Variants in ATP8A2 observed in about 807,000 individuals in gnomAD.
ATP8A2 encodes the protein ATPase phospholipid transporting 8A2, also known as phospholipid-transporting ATPase IB.
In ATP8A2, 100 loss-of-function variants were observed where a neutral mutation model predicts 165.6. The ratio of observed to expected loss-of-function variants is 0.60; its 90% CI spans 0.51 to 0.71. The LOEUF (loss-of-function observed/expected upper bound fraction) is 0.71. ATP8A2 is among the 30% of genes least tolerant of loss of function. The probability of loss-of-function intolerance (pLI) is 0.00; values close to 1 mark genes in which losing one functional copy is unlikely to be tolerated. For missense variants in ATP8A2, 1,227 were observed against 1,479.5 expected (o/e 0.83, Z 2.80); for synonymous variants, 543 against 548.8 (o/e 0.99, Z 0.15).
chr13:25,748,989 G>A (rs2044097403), intron 25 of ATP8A2, among the ~76,000 whole-genome samples: 1 of 152,212 alleles, frequency 6.6e-6, no homozygotes. Context: ...AGTTTGAAAG[G>A]TGAAATGTGT....
chr13:25,492,731 G>T (rs2036564609), intron 2 of ATP8A2, among the ~76,000 whole-genome samples: 1 of 152,212 alleles, frequency 6.6e-6, no homozygotes, highest in Non-Finnish European at 1.5e-5. Flanking sequence ...TGGTTGAATG[G>T]ACCCTAAGCT....
chr13:25,767,506 A>T (rs2044516249), intron 25 of ATP8A2, among the ~76,000 whole-genome samples: 1 of 152,252 alleles, frequency 6.6e-6, no homozygotes, highest in South Asian at 2.1e-4. Flanking sequence ...TTGGGAGGAA[A>T]GATGTGATAG....
intron 27 of ATP8A2, among the ~76,000 whole-genome samples, chr13:25,791,294 A>G (rs896877242): frequency 2.6e-5 from 4 of 152,164 alleles, no homozygotes; most frequent in African/African-American, 9.7e-5. Context: ...ACAGAAAACT[A>G]AATACCACAT....
At chr13:25,537,930 C>A in intron 6 of ATP8A2, 58 bp from the exon 7 acceptor site, 2 of 1,208,288 alleles carry the variant, frequency 1.7e-6, no homozygotes, top group South Asian at 1.3e-5. Flanking sequence ...CCTTTTTCAC[C>A]ATGTGTGTTT....
intron 35 of ATP8A2, among the ~76,000 whole-genome samples, chr13:25,990,572 T>C (rs1956370648): frequency 6.6e-6 from 1 of 152,148 alleles, no homozygotes; most frequent in African/African-American, 2.4e-5. Flanking sequence ...TGTGGCCAGC[T>C]GGGGCAGAGG....
At chr13:25,537,905 TCAAA>T in intron 6 of ATP8A2, 79 bp from the exon 7 acceptor site, 2 of 900,832 alleles carry the variant, frequency 2.2e-6, no homozygotes, top group Admixed American at 4.3e-5. Flanking sequence ...AATTTTTTCT[TCAAA>T]TATTTAAGCA....
At chr13:25,686,179 C>T (rs1360926784) in intron 24 of ATP8A2, among the ~76,000 whole-genome samples, 1 of 152,100 alleles carries the variant, frequency 6.6e-6, no homozygotes, top group Non-Finnish European at 1.5e-5. Context: ...GAACCAGGAA[C>T]TCAGTTTGGG....
At chr13:25,550,021 C>G (rs2038770957) in intron 10 of ATP8A2, among the ~76,000 whole-genome samples, 2 of 152,112 alleles carry the variant, frequency 1.3e-5, no homozygotes, top group Non-Finnish European at 2.9e-5. Flanking sequence ...ATAGCACACT[C>G]AGGTCAGGCA....
intron 34 of ATP8A2, among the ~76,000 whole-genome samples, chr13:25,967,634 G>T (rs1955809355): frequency 6.6e-6 from 1 of 152,154 alleles, no homozygotes; most frequent in Non-Finnish European, 1.5e-5. Flanking sequence ...AAGCTTTTCA[G>T]TCTGGTGTGT....
chr13:25,510,027 T>G (rs1434048683), intron 2 of ATP8A2, among the ~76,000 whole-genome samples: 1 of 152,142 alleles, frequency 6.6e-6, no homozygotes, highest in Non-Finnish European at 1.5e-5. Context: ...TTGGTCTGAG[T>G]TGTACAATGA....
intron 24 of ATP8A2, among the ~76,000 whole-genome samples, chr13:25,689,025 G>A (rs924019967): frequency 1.2e-4 from 19 of 152,204 alleles, no homozygotes; most frequent in Non-Finnish European, 1.8e-4. Context: ...TACAGCCTGG[G>A]CACATTATAA....
intron 1 of ATP8A2, among the ~76,000 whole-genome samples, chr13:25,375,095 C>T (rs1167932345): frequency 6.6e-6 from 1 of 152,086 alleles, no homozygotes. Flanking sequence ...CTCATTTTAC[C>T]AAATGATGAA....
At chr13:25,393,400 AC>A (rs2033315246) in intron 1 of ATP8A2, among the ~76,000 whole-genome samples, 1 of 150,786 alleles carries the variant, frequency 6.6e-6, no homozygotes, top group South Asian at 2.1e-4. Flanking sequence ...ACCTCACCCA[AC>A]CTATTTACAT....
intron 25 of ATP8A2, among the ~76,000 whole-genome samples, chr13:25,756,633 G>T (rs1471474532): frequency 6.6e-6 from 1 of 152,188 alleles, no homozygotes; most frequent in Non-Finnish European, 1.5e-5. Context: ...GGCATACTGT[G>T]TCAATCTTTC....
intron 2 of ATP8A2, among the ~76,000 whole-genome samples, chr13:25,498,049 A>G (rs754568237): frequency 1.3e-5 from 2 of 152,156 alleles, no homozygotes; most frequent in Admixed American, 1.3e-4. Flanking sequence ...CCTGATCCAT[A>G]TGCTGTATAC....
chr13:25,769,487 G>A (rs1301233305), intron 26 of ATP8A2, among the ~76,000 whole-genome samples: 1 of 152,244 alleles, frequency 6.6e-6, no homozygotes, highest in Non-Finnish European at 1.5e-5. Context: ...GCAAGGTGCT[G>A]CTCCTGGCAG....
chr13:25,961,510 A>C lies in ATP8A2; in HGVS notation c.3184-65A>C, dbSNP rs112048678. ...GTGTTGTGAAATATTATCCTTGATT[A>C]CATTATGTTGCTCTGTTTTTGAAAG... On this transcript the variant is annotated intron_variant, in intron 33 of 36. Transcript: ENST00000381655. 4 of 1,272,504 alleles carry C rather than the reference A, an allele frequency of 3.1e-6. No individual in the cohort carries two copies. The African/African-American group carries it at 5.9e-5, about 19-fold the overall frequency. The allele number at this position is 1,272,504 out of a possible 1,614,324, so 78.8% of individuals were successfully genotyped here.
At chr13:25,778,239 T>G (rs1374015037) in intron 27 of ATP8A2, among the ~76,000 whole-genome samples, 1 of 152,220 alleles carries the variant, frequency 6.6e-6, no homozygotes, top group East Asian at 1.9e-4. Context: ...GATATTGATC[T>G]AATTAGACCA....
intron 1 of ATP8A2, among the ~76,000 whole-genome samples, chr13:25,453,717 G>A (rs965225261): frequency 1.3e-5 from 2 of 152,196 alleles, no homozygotes; most frequent in South Asian, 4.1e-4. Flanking sequence ...TATAAGAAAA[G>A]TGTTTTGATT....
Sources: gnomAD v4.1 joint callset for allele counts (sites outside exome capture counted in the v4.1 genomes callset) on GRCh38, gnomAD v4.1.1 for gene constraint, MANE v1.5 for transcripts, NCBI Gene and HGNC (gene_info 2026-07-23, HGNC 2026-07-21) for gene names.